Variants in PRMT7 observed in about 807,000 individuals in gnomAD.
The protein encoded by PRMT7 is protein arginine methyltransferase 7, also known as protein arginine N-methyltransferase 7.
A neutral mutation model predicts 85.4 loss-of-function variants in PRMT7; 75 were observed. The ratio of observed to expected loss-of-function variants is 0.88; its 90% CI spans 0.73 to 1.06. The LOEUF (loss-of-function observed/expected upper bound fraction) is 1.06. Among genes scored for constraint, PRMT7 ranks in the 50% least tolerant of loss-of-function variants. The pLI, the probability that PRMT7 is intolerant of heterozygous loss-of-function variation, is 0.00. For missense variants in PRMT7, 868 were observed against 915.2 expected, an observed-to-expected ratio of 0.95 and a Z score of 0.67; for synonymous variants, 397 against 359.5, an observed-to-expected ratio of 1.10 and a Z score of -1.18.
Position 68,352,254 on chromosome 16 carries a change from C to T in PRMT7, c.1420C>T (p.Leu474Phe). ...CTTCTCGCCCATTCACCAGGTCTCT[C>T]TCCTCCTGGGCGAGCCGTTCTTCAC... ...NEDLQGRKVS[L>F]LLGEPFFTTS... Residue 474 changes from leucine (L) to phenylalanine (F), a missense_variant, in exon 15 of 19, where the codon CTC becomes TTC. Transcript: ENST00000441236. 2 of 1,613,154 alleles carry T rather than the reference C, an allele frequency of 1.2e-6. No homozygotes were observed. Among genetic ancestry groups the T allele is most frequent in the African/African-American group, 2.7e-5 (2 of 75,060 alleles).
chr16:68,319,831 C>T (rs986138025), intron 3 of PRMT7, among the ~76,000 whole-genome samples: 1 of 151,902 alleles, frequency 6.6e-6, no homozygotes, highest in Admixed American at 6.6e-5. Context: ...AGCTCCTTAG[C>T]TGTCCCCTTG....
At position 68,357,293 on chromosome 16, in the gene PRMT7, G is replaced by A. The variant is rs1403350556; in HGVS notation, c.*69G>A. ...TGGCTCATGGCTTTCTAGCGGGGAA[G>A]GCTGAAGGCCCTCCTCTCCTCTCTG... On this transcript the variant is annotated 3_prime_UTR_variant, in exon 19 of 19. Coordinates refer to ENST00000441236, the MANE Select transcript of PRMT7 (RefSeq NM_019023.5). 2.0e-6 allele frequency: 3 copies of A among 1,474,214 alleles called. No homozygotes were observed. The highest frequency in any genetic ancestry group is 2.8e-5 in the African/African-American group (2 of 71,062). The allele number at this position is 1,474,214 out of a possible 1,614,324, so 91.3% of individuals were successfully genotyped here. A position where few individuals can be genotyped will look rare whatever the true frequency, so the allele number is the denominator to read the frequency against.
intron 5 of PRMT7, among the ~76,000 whole-genome samples, chr16:68,325,572 C>T (rs889791032): frequency 1.3e-5 from 2 of 152,030 alleles, no homozygotes; most frequent in African/African-American, 4.8e-5. Flanking sequence ...AGGCTTGGAT[C>T]ATGAGGTCAG....
At chr16:68,359,936 G>T (rs2089145631), downstream of PRMT7, 1 of 152,596 alleles carries the variant, frequency 6.6e-6, no homozygotes, top group Non-Finnish European at 1.5e-5. Flanking sequence ...GCTGAACTTG[G>T]GTGCCAGTAC....
At chr16:68,348,908 G>C (rs1475535929) in intron 14 of PRMT7, among the ~76,000 whole-genome samples, 1 of 152,044 alleles carries the variant, frequency 6.6e-6, no homozygotes, top group Non-Finnish European at 1.5e-5. Context: ...CAAAGTGTCG[G>C]GGTTACAGGC....
chr16:68,314,293 C>T (rs918250085), intron 2 of PRMT7, among the ~76,000 whole-genome samples: 8 of 152,140 alleles, frequency 5.3e-5, no homozygotes, highest in East Asian at 1.9e-4. Flanking sequence ...TGCAGTGGTG[C>T]GGTCTCAGCT....
At chr16:68,346,035 G>T in intron 10 of PRMT7, 110 bp from the exon 11 acceptor site, 1 of 1,503,676 alleles carries the variant, frequency 6.7e-7, no homozygotes, top group East Asian at 2.3e-5. Flanking sequence ...TGGAATTAGC[G>T]GGTGCTCTAA....
In PRMT7 at chr16:68,357,142, G is replaced by A. The variant is rs373885355; in HGVS notation, c.1997G>A (p.Arg666Gln). The change falls in exon 19 of 19, where the codon CGG (arginine) becomes CAG (glutamine). Residue 666 changes from arginine (R) to glutamine (Q), a missense_variant. Arg to Gln is a conservative substitution (Grantham distance 43, BLOSUM62 1). Transcript: ENST00000441236. ...CCCAGAGCACTGCTGGGTGGCCCAC[G>A]GACTGTCAGCTATGCAGTGGAGTTT... ...PDPRALLGGPRTVSYAVEFHP... is the reference protein window; with the variant it reads ...PDPRALLGGPQTVSYAVEFHP... 3.1e-6 allele frequency: 5 copies of A among 1,613,988 alleles called. No individual in the cohort carries two copies. Among genetic ancestry groups the A allele is most frequent in the Middle Eastern group, 1.6e-4 (1 of 6,062 alleles).
intron 14 of PRMT7, among the ~76,000 whole-genome samples, chr16:68,349,998 T>G (rs769107725): frequency 1.3e-5 from 2 of 152,240 alleles, no homozygotes; most frequent in Non-Finnish European, 2.9e-5. Context: ...CAGCCACTGG[T>G]CTGGTTTGTG....
At chr16:68,338,554 T>G (rs1012501407) in intron 7 of PRMT7, among the ~76,000 whole-genome samples, 1 of 151,936 alleles carries the variant, frequency 6.6e-6, no homozygotes, top group African/African-American at 2.4e-5. Flanking sequence ...GGAGTCCCCT[T>G]GTGAGGTGGG....
At position 68,339,457 on chromosome 16, in the gene PRMT7, G is replaced by T. The variant is rs779888800; in HGVS notation, c.640G>T (p.Val214Phe). The T allele has an allele frequency of 6.2e-7, 1 of 1,614,088 alleles. No homozygotes were observed. Among genetic ancestry groups the T allele is most frequent in the Non-Finnish European group, 8.5e-7 (1 of 1,180,048 alleles). ...SLGEQVIVPPVDVESCPGAPS... is the reference protein window; with the variant it reads ...SLGEQVIVPPFDVESCPGAPS... Reference sequence around the variant, plus strand: ...CGGAGAGCAGGTCATCGTCCCTCCCGTTGACGTGGAGAGCTGCCCTGGCGC... The same window carrying T: ...CGGAGAGCAGGTCATCGTCCCTCCCTTTGACGTGGAGAGCTGCCCTGGCGC... Residue 214 changes from valine (V) to phenylalanine (F), a missense_variant, in exon 8 of 19, where the codon GTT (valine) becomes TTT (phenylalanine). Physicochemically the swap from Val to Phe is conservative, Grantham distance 50. Coordinates refer to ENST00000441236, the MANE Select transcript of PRMT7 (RefSeq NM_019023.5).
chr16:68,338,891 G>A (rs3785117), intron 7 of PRMT7, among the ~76,000 whole-genome samples: 80,256 of 151,990 alleles, frequency 0.53, 21,666 homozygotes, highest in East Asian at 0.79. Flanking sequence ...CCTAGGGGCT[G>A]AGTGTGCAGC....
At chr16:68,329,330 G>GTTTA (rs1454213828) in intron 6 of PRMT7, 156 bp downstream of exon 6, 26 of 549,544 alleles carry the variant, frequency 4.7e-5, no homozygotes, top group South Asian at 4.7e-4. Flanking sequence ...TTCTCTTGAT[G>GTTTA]TTTATTTTCC....
rs768113006 is a variant in PRMT7 at position 68,316,083 on chromosome 16, T to C, written c.95+9T>C. The C allele has an allele frequency of 5.0e-6, 8 of 1,612,062 alleles. 1 individual carries two copies. The Admixed American group carries it at 6.7e-5, about 13-fold the overall frequency. The stretch of plus-strand genomic sequence containing the variant: ...CACCAGGAGATTGCAAGGTACTGGG[T>C]TGGTTTACAGCAGGCTGCAGCTGGG... On this transcript the variant is annotated intron_variant, in intron 3 of 18. Coordinates refer to ENST00000441236, the MANE Select transcript of PRMT7 (RefSeq NM_019023.5).
At chr16:68,335,596 TTTTA>T (rs1322320990) in intron 6 of PRMT7, among the ~76,000 whole-genome samples, 1 of 151,826 alleles carries the variant, frequency 6.6e-6, no homozygotes, top group Non-Finnish European at 1.5e-5. Flanking sequence ...GCTTTTTTTT[TTTTA>T]TCTTCATCAT....
intron 16 of PRMT7, chr16:68,355,359 T>G: frequency 5.6e-6 from 1 of 178,758 alleles, no homozygotes. Flanking sequence ...CACGCATTTA[T>G]CCCTCCCTGT....
intron 15 of PRMT7, 139 bp downstream of exon 15, chr16:68,352,548 C>A: frequency 1.3e-6 from 1 of 787,408 alleles, no homozygotes; most frequent in Non-Finnish European, 1.9e-6. Context: ...TGTGTCAGCA[C>A]ACTGTGGGGT....
At chr16:68,349,442 G>A (rs773447250) in intron 14 of PRMT7, among the ~76,000 whole-genome samples, 7 of 152,074 alleles carry the variant, frequency 4.6e-5, no homozygotes, top group South Asian at 2.1e-4. Context: ...CTCACCCAAC[G>A]CGGAGCTATC....
chr16:68,324,572 A>C, intron 4 of PRMT7, 111 bp from the exon 5 acceptor site: 2 of 1,332,560 alleles, frequency 1.5e-6, no homozygotes, highest in Admixed American at 2.0e-5. Flanking sequence ...CAGAAAGGCC[A>C]TAGGGCCCTG....
Sources: gnomAD v4.1 joint callset for allele counts (sites outside exome capture counted in the v4.1 genomes callset) on GRCh38, gnomAD v4.1.1 for gene constraint, MANE v1.5 for transcripts, NCBI Gene and HGNC (gene_info 2026-07-23, HGNC 2026-07-21) for gene names.